The following ALDH1L1 variants were observed in gnomAD, a reference collection of about 807,000 sequenced individuals.
ALDH1L1 encodes aldehyde dehydrogenase 1 family member L1.
In ALDH1L1, 68 loss-of-function variants were observed where a neutral mutation model predicts 101.1. The observed-to-expected ratio is 0.67, with a 90% confidence interval of 0.55 to 0.82. ALDH1L1 has a LOEUF of 0.82. ALDH1L1 is among the 40% of genes least tolerant of loss of function. The pLI is 0.00. For synonymous variants in ALDH1L1, 486 were observed against 470.8 expected (o/e 1.03, Z -0.42); for missense variants, 1,087 against 1,172.7 (o/e 0.93, Z 1.07).
At chr3:126,134,006 G>A (rs926384253) in intron 12 of ALDH1L1, among the ~76,000 whole-genome samples, 1 of 152,172 alleles carries the variant, frequency 6.6e-6, no homozygotes, top group African/African-American at 2.4e-5. Context: ...CTCTCCCTCT[G>A]GATCCTTCTT....
intron 14 of ALDH1L1, among the ~76,000 whole-genome samples, chr3:126,128,087 G>C (rs2080224641): frequency 6.6e-6 from 1 of 152,156 alleles, no homozygotes; most frequent in South Asian, 2.1e-4. Context: ...GGACTGGGGA[G>C]GGGGCCAGGA....
chr3:126,143,187 A>G (rs1181906686), intron 9 of ALDH1L1, among the ~76,000 whole-genome samples: 5 of 152,250 alleles, frequency 3.3e-5, no homozygotes, highest in Non-Finnish European at 7.3e-5. Flanking sequence ...AAGGGTACAC[A>G]AAGCATAATT....
rs570321756 is a variant in ALDH1L1, at chr3:126,111,556, C to T, written c.2181+1226G>A. On this transcript the variant is annotated intron_variant, in intron 19 of 22. Coordinates refer to ENST00000393434, the MANE Select transcript of ALDH1L1 (RefSeq NM_012190.4). ...GGCAGGGCTTCATTTCCAGCCACTC[C>T]GTGTTGAGGGTCGTTATATGGCAAA... 2.7e-4 allele frequency among the ~76,000 whole-genome samples: 41 copies of T among 152,340 alleles called. 1 individual carries two copies. In the South Asian group the frequency reaches 8.3e-3, roughly 31 times the overall value.
Position 126,130,264 on chromosome 3 carries a change from T to A in ALDH1L1, c.1653A>T (p.Arg551Ser). Residue 551 changes from arginine to serine, a missense_variant, in exon 14 of 23, where the codon AGA becomes AGT. Arg to Ser is a moderately radical substitution (Grantham distance 110). Coordinates refer to ENST00000393434, the MANE Select transcript of ALDH1L1 (RefSeq NM_012190.4). ...QGSTIPINQA[R>S]PNRNLTLTRK... ...TGGTCAAGGTCAGGTTGCGGTTGGG[T>A]CTGGCCTGGTTGATGGGGATGGTGG... The A allele has an allele frequency of 6.2e-7, 1 of 1,611,372 alleles. No individual in the cohort carries two copies. The highest frequency in any genetic ancestry group is 8.5e-7 in the Non-Finnish European group (1 of 1,178,670).
At chr3:126,191,583 C>G (rs2081553654) in intron 1 of ALDH1L1, among the ~76,000 whole-genome samples, 1 of 152,210 alleles carries the variant, frequency 6.6e-6, no homozygotes, top group Non-Finnish European at 1.5e-5. Flanking sequence ...TGAGCTCATA[C>G]AATGGTGAGA....
chr3:126,159,035 T>C (rs1436028867), intron 2 of ALDH1L1, among the ~76,000 whole-genome samples: 2 of 152,212 alleles, frequency 1.3e-5, no homozygotes, highest in Non-Finnish European at 2.9e-5. Context: ...AGCTGTTCCC[T>C]GATGGAGGAA....
chr3:126,130,201 C>T, intron 14 of ALDH1L1, 22 bp downstream of exon 14: 1 of 1,594,016 alleles, frequency 6.3e-7, no homozygotes, highest in South Asian at 1.1e-5. Context: ...GAGGCTGCAC[C>T]TCGCCCTGGG....
intron 3 of ALDH1L1, 66 bp downstream of exon 3, chr3:126,158,339 G>A: frequency 7.1e-7 from 1 of 1,413,414 alleles, no homozygotes; most frequent in South Asian, 1.4e-5. Flanking sequence ...CTAATGGAAA[G>A]TGACAAGTCA....
chr3:126,141,062 T>A (rs2080557766), intron 9 of ALDH1L1, among the ~76,000 whole-genome samples: 1 of 152,030 alleles, frequency 6.6e-6, no homozygotes, highest in Non-Finnish European at 1.5e-5. Context: ...ATCACTTAGA[T>A]ATAATGATAC....
Position 126,137,978 on chromosome 3 carries a change from A to G in ALDH1L1, c.1077-18T>C. On this transcript the variant is annotated intron_variant, in intron 9 of 22. Transcript: ENST00000393434. ...CCACCAGCCTGGAGGAAGGAGATGG[A>G]AAGATGGGGACACGGGAGGGGCTCA... 6.2e-7 allele frequency: 1 copy of G among 1,613,910 alleles called. No homozygotes were observed. The highest frequency in any genetic ancestry group is 8.5e-7 in the Non-Finnish European group (1 of 1,179,892).
chr3:126,123,629 A>C (rs2108216947), intron 16 of ALDH1L1, among the ~76,000 whole-genome samples: 1 of 105,912 alleles, frequency 9.4e-6, no homozygotes, highest in Middle Eastern at 4.6e-3. Context: ...TCAACCCAAA[A>C]AGCTGCAAAA....
In ALDH1L1 at chr3:126,130,259, T is replaced by C. The variant is rs1356445680; in HGVS notation, c.1658A>G (p.Asn553Ser). ...CTTCCTGGTCAAGGTCAGGTTGCGG[T>C]TGGGTCTGGCCTGGTTGATGGGGAT... is the stretch of plus-strand genomic sequence containing the variant. The part of the protein sequence containing the change: ...STIPINQARP[N>S]RNLTLTRKEP... The change falls in exon 14 of 23, where the codon AAC (asparagine) becomes AGC (serine). Residue 553 changes from asparagine (N) to serine (S), a missense_variant. By Grantham distance (46) the Asn-to-Ser change is conservative. Coordinates refer to ENST00000393434, the MANE Select transcript of ALDH1L1 (RefSeq NM_012190.4). 4.3e-6 allele frequency: 7 copies of C among 1,610,936 alleles called. No homozygotes were observed. The highest frequency in any genetic ancestry group is 5.1e-6 in the Non-Finnish European group (6 of 1,178,540).
Position 126,114,627 on chromosome 3 carries a change from G to C in ALDH1L1, c.2012C>G (p.Ser671Cys). Residue 671 changes from serine (S) to cysteine (C), a missense_variant, in exon 18 of 23, where the codon TCC (serine) becomes TGC (cysteine). Coordinates refer to ENST00000393434, the MANE Select transcript of ALDH1L1 (RefSeq NM_012190.4). ...SCAISNVKKV[S>C]LELGGKSPLI... ...GGGTGACTTCCCGCCCAGTTCCAGG[G>C]ACACCTTCTTCACGTTACTTATGGC... 1.3e-6 allele frequency: 2 copies of C among 1,519,938 alleles called. No homozygotes were observed. Among genetic ancestry groups the C allele is most frequent in the Non-Finnish European group, 1.8e-6 (2 of 1,133,272 alleles). 94.2% of individuals were successfully genotyped at this position (1,519,938 alleles called of 1,614,324 possible).
At chr3:126,109,241 C>G (rs1945992309) in intron 20 of ALDH1L1, among the ~76,000 whole-genome samples, 1 of 152,202 alleles carries the variant, frequency 6.6e-6, no homozygotes, top group Admixed American at 6.5e-5. Flanking sequence ...GTCATGGCAC[C>G]TGTCCCCCAG....
At chr3:126,117,210 C>T (rs72965973) in intron 17 of ALDH1L1, among the ~76,000 whole-genome samples, 1,751 of 149,950 alleles carry the variant, frequency 0.012, 37 homozygotes, top group African/African-American at 0.041. Flanking sequence ...CACTGCACTC[C>T]AGCCTGGGTG....
intron 4 of ALDH1L1, 148 bp downstream of exon 4, chr3:126,157,195 T>A (rs2080927178): frequency 1.0e-6 from 1 of 987,422 alleles, no homozygotes; most frequent in African/African-American, 1.6e-5. Flanking sequence ...ATCCTGCCTC[T>A]GAAACCTTGA....
intron 14 of ALDH1L1, among the ~76,000 whole-genome samples, chr3:126,127,141 T>C (rs1196384318): frequency 6.6e-6 from 1 of 152,128 alleles, no homozygotes; most frequent in Non-Finnish European, 1.5e-5. Flanking sequence ...GGTGGTCTCT[T>C]CTACAGCAGC....
intron 1 of ALDH1L1, among the ~76,000 whole-genome samples, chr3:126,167,945 C>T (rs2081200643): frequency 6.6e-6 from 1 of 152,032 alleles, no homozygotes; most frequent in African/African-American, 2.4e-5. Context: ...ACACATTTTA[C>T]CTTAAAGTTA....
In ALDH1L1 at chr3:126,154,653, G is replaced by T. The variant is rs1422181577; in HGVS notation, c.631-10C>A. 6.2e-7 allele frequency: 1 copy of T among 1,613,804 alleles called. No individual in the cohort carries two copies. Among genetic ancestry groups the T allele is most frequent in the South Asian group, 1.1e-5 (1 of 91,068 alleles). On this transcript the variant is annotated splice_polypyrimidine_tract_variant and intron_variant, in intron 5 of 22. Transcript: ENST00000393434. ...GCTGGTCCCAGTTGATCTGTGGGGA[G>T]CAAGGTGTGTGTGCTCAGCTGGTCT...
Sources: allele counts gnomAD v4.1 joint callset (sites outside exome capture counted in the v4.1 genomes callset), GRCh38; gene constraint gnomAD v4.1.1; transcripts MANE v1.5; gene names NCBI Gene and HGNC (gene_info 2026-07-23, HGNC 2026-07-21).